PCDHGB7: variants seen among roughly 807,000 people sequenced by gnomAD.
PCDHGB7 encodes the protein protocadherin gamma-B7.
PCDHGB7 carries 37 observed loss-of-function variants against 61.4 expected under a neutral mutation model. The ratio of observed to expected loss-of-function variants is 0.60; its 90% CI spans 0.46 to 0.79. The LOEUF (loss-of-function observed/expected upper bound fraction) is 0.79. PCDHGB7 is among the 30% of genes least tolerant of loss of function. The probability of loss-of-function intolerance (pLI) is 0.00; values close to 1 mark genes in which losing one functional copy is unlikely to be tolerated. For synonymous variants in PCDHGB7, 464 were observed against 503.5 expected, an observed-to-expected ratio of 0.92 and a Z score of 1.05; for missense variants, 1,166 against 1,202.5, an observed-to-expected ratio of 0.97 and a Z score of 0.45.
rs558513172 is a variant in PCDHGB7 at position 141,424,015 on chromosome 5, A to T, written c.2415+3741A>T. The T allele has an allele frequency of 3.0e-5, 32 of 1,060,896 alleles. No individual in the cohort carries two copies. The Admixed American group carries it at 3.2e-4, about 11-fold the overall frequency. The allele number at this position is 1,060,896 out of a possible 1,614,324, so 65.7% of individuals were successfully genotyped here. A position where few individuals can be genotyped will look rare whatever the true frequency, so the allele number is the denominator to read the frequency against. ...TATTATATATAGATACAAATTAATGATTCACAAACACTTTTTATTTCCATT... is the reference window on the plus strand; with the variant it reads ...TATTATATATAGATACAAATTAATGTTTCACAAACACTTTTTATTTCCATT... On this transcript the variant is annotated intron_variant, in intron 1 of 3. Transcript: ENST00000398594.
At chr5:141,461,607 A>C (rs74634930) in intron 1 of PCDHGB7, among the ~76,000 whole-genome samples, 8,353 of 152,212 alleles carry the variant, frequency 0.055, 473 homozygotes, top group African/African-American at 0.15. Flanking sequence ...AATTTAGTTC[A>C]AAGTATTTTC....
rs781229038 is a variant in PCDHGB7, at chr5:141,489,990, A to C, written c.2416-4817A>C. 1.2e-4 allele frequency: 194 copies of C among 1,614,138 alleles called. No individual in the cohort carries two copies. Among genetic ancestry groups the C allele is most frequent in the Non-Finnish European group, 1.6e-4 (188 of 1,180,038 alleles). Reference sequence around the variant, plus strand: ...TCCAATCCTCAGTTCTACGTGTGGGAATCCCAGAGAATGCACCCATTGGTA... The same window carrying C: ...TCCAATCCTCAGTTCTACGTGTGGGCATCCCAGAGAATGCACCCATTGGTA... On this transcript the variant is annotated intron_variant, in intron 1 of 3. Transcript: ENST00000398594. The surrounding 1 kb of genome is among the most constrained non-coding windows in gnomAD (Gnocchi z 4.5).
intron 1 of PCDHGB7, among the ~76,000 whole-genome samples, chr5:141,454,859 G>A (rs2098805080): frequency 7.9e-6 from 1 of 126,982 alleles, no homozygotes; most frequent in African/African-American, 3.1e-5. Flanking sequence ...CCAGGCTGGA[G>A]TGCAGTGGCA....
chr5:141,468,845 A>G (rs1426852752), intron 1 of PCDHGB7, among the ~76,000 whole-genome samples: 3 of 152,150 alleles, frequency 2.0e-5, no homozygotes, highest in Non-Finnish European at 2.9e-5. Flanking sequence ...CAGCCTGGGC[A>G]ACAGAGCGAG....
chr5:141,425,317 C>T (rs78746536), intron 1 of PCDHGB7, among the ~76,000 whole-genome samples: 174 of 152,168 alleles, frequency 1.1e-3, no homozygotes, highest in East Asian at 3.7e-3. Context: ...TTCCCAAGAT[C>T]GTGGAGAACA....
Position 141,491,508 on chromosome 5 carries a change from G to A in PCDHGB7, c.2416-3299G>A. The A allele has an allele frequency of 6.2e-7, 1 of 1,614,030 alleles. No individual in the cohort carries two copies. The highest frequency in any genetic ancestry group is 8.5e-7 in the Non-Finnish European group (1 of 1,180,014). The stretch of plus-strand genomic sequence containing the variant: ...ACCTGCAGGTGAGCTCGGACGGCAC[G>A]CTCAAGTACATGGAGGTGACGCTGC... On this transcript the variant is annotated intron_variant, in intron 1 of 3. Transcript: ENST00000398594. This position sits in a 1 kb window ranked among gnomAD's most constrained non-coding sequence, Gnocchi z 6.9.
intron 3 of PCDHGB7, among the ~76,000 whole-genome samples, chr5:141,508,989 G>A (rs900798347): frequency 1.3e-5 from 2 of 152,110 alleles, no homozygotes; most frequent in Non-Finnish European, 2.9e-5. Flanking sequence ...GGGGCCAGCT[G>A]GGGTAGGAGA....
At chr5:141,467,064 T>C (rs1289790911) in intron 1 of PCDHGB7, among the ~76,000 whole-genome samples, 2 of 151,724 alleles carry the variant, frequency 1.3e-5, no homozygotes, top group Middle Eastern at 3.2e-3. Context: ...TCTTTTTTTT[T>C]TTTTTTTAGA....
chr5:141,433,029 T>C (rs2097561523), intron 1 of PCDHGB7: 2 of 1,613,998 alleles, frequency 1.2e-6, no homozygotes, highest in African/African-American at 2.7e-5. Flanking sequence ...TCCCACGAGG[T>C]TTCCCTCACC....
At chr5:141,469,790 T>G (rs956670031) in intron 1 of PCDHGB7, among the ~76,000 whole-genome samples, 2 of 152,224 alleles carry the variant, frequency 1.3e-5, no homozygotes, top group African/African-American at 4.8e-5. Context: ...GCGTTATTTG[T>G]AATTGCAAAA....
At chr5:141,475,997 G>A in intron 1 of PCDHGB7, 2 of 1,184,406 alleles carry the variant, frequency 1.7e-6, no homozygotes, top group East Asian at 2.4e-5. Flanking sequence ...CAAATCAACG[G>A]CATCCAGAAA....
chr5:141,508,171 A>G (rs1364776681), intron 3 of PCDHGB7: 2 of 152,406 alleles, frequency 1.3e-5, no homozygotes, highest in African/African-American at 4.8e-5. Context: ...AGGCTGGCAC[A>G]GGAGAGAAGG....
Position 141,489,948 on chromosome 5 carries a change from T to G in PCDHGB7, c.2416-4859T>G. The G allele has an allele frequency of 6.2e-7, 1 of 1,614,210 alleles. No homozygotes were observed. Among genetic ancestry groups the G allele is most frequent in the Non-Finnish European group, 8.5e-7 (1 of 1,180,030 alleles). ...TCTCTGTCATCGTGCTGGACATCAA[T>G]GATAATGCTCCAACCTTCCAATCCT... On this transcript the variant is annotated intron_variant, in intron 1 of 3. Transcript: ENST00000398594. The surrounding 1 kb of genome is among the most constrained non-coding windows in gnomAD (Gnocchi z 4.5).
intron 1 of PCDHGB7, among the ~76,000 whole-genome samples, chr5:141,458,247 C>T (rs758242859): frequency 4.6e-5 from 7 of 152,100 alleles, no homozygotes; most frequent in South Asian, 2.1e-4. Flanking sequence ...CAAAATGATA[C>T]GGCTCTGATG....
intron 1 of PCDHGB7, among the ~76,000 whole-genome samples, chr5:141,457,898 A>T (rs1035775197): frequency 6.6e-6 from 1 of 151,874 alleles, no homozygotes; most frequent in Non-Finnish European, 1.5e-5. Context: ...GACTGTGTAG[A>T]CAAGGTGTGA....
chr5:141,429,760 C>A (rs1036499079), intron 1 of PCDHGB7, among the ~76,000 whole-genome samples: 1 of 152,020 alleles, frequency 6.6e-6, no homozygotes, highest in Non-Finnish European at 1.5e-5. Flanking sequence ...AATTTTTTCC[C>A]TATATTTTGA....
Position 141,485,795 on chromosome 5 carries a change from T to G in PCDHGB7, c.2416-9012T>G, listed in dbSNP as rs1225630684. On this transcript the variant is annotated intron_variant, in intron 1 of 3. Coordinates refer to ENST00000398594, the MANE Select transcript of PCDHGB7 (RefSeq NM_018927.4). The surrounding 1 kb of genome is among the most constrained non-coding windows in gnomAD (Gnocchi z 5.7). ...TTTGGATCGAGAGAAGCAATCGGAC[T>G]ACCGCCTGGTGCTGACTGCTGTCGA... 16 of 1,614,092 alleles carry G rather than the reference T, an allele frequency of 9.9e-6. No individual in the cohort carries two copies. The highest frequency in any genetic ancestry group is 1.1e-5 in the Non-Finnish European group (13 of 1,180,046).
In PCDHGB7 at chr5:141,432,929, C is replaced by T. The variant is rs759937939; in HGVS notation, c.2415+12655C>T. On this transcript the variant is annotated intron_variant, in intron 1 of 3. Coordinates refer to ENST00000398594, the MANE Select transcript of PCDHGB7 (RefSeq NM_018927.4). This position sits in a 1 kb window ranked among gnomAD's most constrained non-coding sequence, Gnocchi z 6.0. ...GCTGCGGCGCTGGCACAAGTCACGCCTGCTGCAGGCTTCAGGAGGCGGCTT... is the reference window on the plus strand; with the variant it reads ...GCTGCGGCGCTGGCACAAGTCACGCTTGCTGCAGGCTTCAGGAGGCGGCTT... The T allele has an allele frequency of 6.2e-7, 1 of 1,614,078 alleles. No individual in the cohort carries two copies. Among genetic ancestry groups the T allele is most frequent in the African/African-American group, 1.3e-5 (1 of 74,948 alleles).
At chr5:141,498,089 A>G (rs1402239680) in intron 2 of PCDHGB7, among the ~76,000 whole-genome samples, 3 of 152,370 alleles carry the variant, frequency 2.0e-5, no homozygotes, top group South Asian at 2.1e-4. Context: ...GTAGAATTGT[A>G]TCTGGTGGTG....
Sources: allele counts gnomAD v4.1 joint callset (sites outside exome capture counted in the v4.1 genomes callset), GRCh38; gene constraint gnomAD v4.1.1; non-coding constraint Gnocchi (gnomAD v3.1); transcripts MANE v1.5; gene names NCBI Gene and HGNC (gene_info 2026-07-23, HGNC 2026-07-21).